The following KIF1A variants were observed in gnomAD, a reference collection of about 807,000 sequenced individuals.
The protein encoded by KIF1A is kinesin family member 1A, also known as kinesin-like protein KIF1A.
Under a neutral mutation model 227.3 loss-of-function variants are expected in KIF1A, and 46 were observed. The observed-to-expected ratio is 0.20, with a 90% CI of 0.16 to 0.26. The LOEUF (loss-of-function observed/expected upper bound fraction) is 0.26, where lower values mean the gene tolerates loss of function less well. KIF1A is among the 10% of genes least tolerant of loss of function. KIF1A has a pLI of 1.00. For missense variants in KIF1A, 1,683 were observed against 2,485.9 expected, an observed-to-expected ratio of 0.68 and a Z score of 6.87; for synonymous variants, 1,022 against 1,012.8, an observed-to-expected ratio of 1.01 and a Z score of -0.17.
chr2:240,722,534 G>A lies in KIF1A; in HGVS notation c.4587C>T (p.Ala1529=). The change falls in exon 43 of 49, where the codon GCC becomes GCT. Residue 1529 remains alanine (A), a synonymous_variant. Coordinates refer to ENST00000498729, the MANE Select transcript of KIF1A (RefSeq NM_001244008.2). ...GGCCCTCAGCCGAGAGCGGGGAGGA[G>A]GCGCTGGAGGAGCCATGGGACTCAG... ...EDSESHGSSS[A]SSPLSAEGRP... 6.5e-7 allele frequency: 1 copy of A among 1,549,106 alleles called. No individual in the cohort carries two copies. The highest frequency in any genetic ancestry group is 1.4e-5 in the African/African-American group (1 of 73,178).
At chr2:240,742,740 T>C (rs981729577) in intron 34 of KIF1A, among the ~76,000 whole-genome samples, 189 bp downstream of exon 34, 9 of 152,160 alleles carry the variant, frequency 5.9e-5, no homozygotes, top group Admixed American at 5.9e-4. Context: ...GGCTACTCTC[T>C]GGGCACAGGG....
chr2:240,810,011 G>A (rs566024713), intron 1 of KIF1A, among the ~76,000 whole-genome samples: 3 of 151,120 alleles, frequency 2.0e-5, no homozygotes, highest in Non-Finnish European at 4.4e-5. Flanking sequence ...ATAGGGTTTC[G>A]CCACATTGGC....
At chr2:240,741,404 T>G in intron 34 of KIF1A, 27 bp from the exon 35 acceptor site, 1 of 1,487,666 alleles carries the variant, frequency 6.7e-7, no homozygotes, top group African/African-American at 1.4e-5. Flanking sequence ...GAGGCATGCA[T>G]GGATGGGAGA....
intron 37 of KIF1A, among the ~76,000 whole-genome samples, chr2:240,738,660 C>T (rs2047623662): frequency 6.6e-6 from 1 of 152,238 alleles, no homozygotes; most frequent in South Asian, 2.1e-4. Flanking sequence ...CATACCATAT[C>T]TCCCCAGATC....
chr2:240,799,410 C>G (rs1468196878), intron 1 of KIF1A, among the ~76,000 whole-genome samples: 1 of 152,160 alleles, frequency 6.6e-6, no homozygotes, highest in Non-Finnish European at 1.5e-5. Flanking sequence ...CCAGAGGCTA[C>G]AGGGGAGGGG....
chr2:240,804,274 A>G (rs1051286534), intron 1 of KIF1A, among the ~76,000 whole-genome samples: 9 of 152,232 alleles, frequency 5.9e-5, no homozygotes, highest in East Asian at 1.9e-4. Flanking sequence ...TCAAAAAAGT[A>G]ATAATAATAA....
intron 42 of KIF1A, 40 bp from the exon 43 acceptor site, chr2:240,722,696 G>A: frequency 6.9e-7 from 1 of 1,445,362 alleles, no homozygotes; most frequent in Non-Finnish European, 9.2e-7. Flanking sequence ...TGCACCTCAG[G>A]GGTGACCTCC....
chr2:240,788,031 G>T lies in KIF1A; in HGVS notation c.363+20C>A. The stretch of plus-strand genomic sequence containing the variant: ...CGCCCCATCTGCCAGGGCTGCCCCC[G>T]CCCGCCCCCCGCTTCGTGCCTGTGG... On this transcript the variant is annotated intron_variant, in intron 4 of 48. Coordinates refer to ENST00000498729, the MANE Select transcript of KIF1A (RefSeq NM_001244008.2). This position sits in a 1 kb window ranked among gnomAD's most constrained non-coding sequence, Gnocchi z 6.6. 4 of 664,394 alleles carry T rather than the reference G, an allele frequency of 6.0e-6. No homozygotes were observed. The highest frequency in any genetic ancestry group is 8.8e-6 in the Non-Finnish European group (4 of 452,924). The allele number at this position is 664,394 out of a possible 1,614,324, so 41.2% of individuals were successfully genotyped here.
At chr2:240,727,011 A>G in intron 38 of KIF1A, 71 bp from the exon 39 acceptor site, 1 of 877,436 alleles carries the variant, frequency 1.1e-6, no homozygotes, top group Non-Finnish European at 1.8e-6. Context: ...GGGGACATGC[A>G]GACAGACAGA....
chr2:240,734,240 C>A (rs1240137793), intron 38 of KIF1A, among the ~76,000 whole-genome samples: 4 of 152,246 alleles, frequency 2.6e-5, no homozygotes, highest in Non-Finnish European at 5.9e-5. Context: ...CCTTCCCCAA[C>A]CCCTGTGCTC....
chr2:240,786,078 G>A (rs956614451), intron 6 of KIF1A, among the ~76,000 whole-genome samples: 4 of 152,130 alleles, frequency 2.6e-5, no homozygotes, highest in Non-Finnish European at 4.4e-5. Context: ...AGCACCCCCC[G>A]GGCACCTCAG....
upstream of KIF1A, among the ~76,000 whole-genome samples, chr2:240,820,464 G>A (rs1274799481): frequency 6.7e-6 from 1 of 150,190 alleles, no homozygotes; most frequent in Non-Finnish European, 1.5e-5. The surrounding 1 kb of genome is among the most constrained non-coding windows in gnomAD (Gnocchi z 6.2). Flanking sequence ...ACCGACACCC[G>A]GCTCGGACGC....
intron 27 of KIF1A, among the ~76,000 whole-genome samples, chr2:240,754,660 G>A (rs1361990312): frequency 6.6e-6 from 1 of 152,214 alleles, no homozygotes; most frequent in Non-Finnish European, 1.5e-5. Flanking sequence ...GCCCCCACCT[G>A]CCCTCTAGGT....
chr2:240,807,078 ATGTGTGTG>A (rs67918205), intron 1 of KIF1A, among the ~76,000 whole-genome samples: 1,337 of 95,064 alleles, frequency 0.014, 14 homozygotes, highest in African/African-American at 0.019. Flanking sequence ...CCTCATATAT[ATGTGTGTG>A]TGTGTGTGTG....
Position 240,743,845 on chromosome 2 carries a change from G to A in KIF1A, c.3584+97C>T, listed in dbSNP as rs972014864. 1.5e-5 allele frequency: 12 copies of A among 818,968 alleles called. No individual in the cohort carries two copies. The Admixed American group carries it at 1.6e-4, about 11-fold the overall frequency. 50.7% of individuals were successfully genotyped at this position (818,968 alleles called of 1,614,324 possible). A position where few individuals can be genotyped will look rare whatever the true frequency, so the allele number is the denominator to read the frequency against. The stretch of plus-strand genomic sequence containing the variant: ...GGGCAGGGGAGGTGGGTTTCAGGGG[G>A]TGCATAGGCTCTGCAGCCTCAAGAC... On this transcript the variant is annotated intron_variant, in intron 33 of 48. Coordinates refer to ENST00000498729, the MANE Select transcript of KIF1A (RefSeq NM_001244008.2).
rs2058242932 is a variant in KIF1A, at chr2:240,815,356, A to C, written c.-61+4766T>G. Among the ~76,000 whole-genome samples the C allele has an allele frequency of 2.6e-5, 4 of 152,088 alleles. No homozygotes were observed. The South Asian group carries it at 8.3e-4, about 32-fold the overall frequency. ...CTGAGGTGGGGGCAGGAACCCCTTG[A>C]GGGCATTCCTGGCACTACCAGCCTC... On this transcript the variant is annotated intron_variant, in intron 1 of 48. Coordinates refer to ENST00000498729, the MANE Select transcript of KIF1A (RefSeq NM_001244008.2).
At position 240,782,200 on chromosome 2, in the gene KIF1A, A is replaced by G. The variant is rs1002863088; in HGVS notation, c.882+390T>C. On this transcript the variant is annotated intron_variant, in intron 10 of 48. Transcript: ENST00000498729. ...CTCCCCCTGTGGCCCCGTCACGCCTACGGCTGCTCAGAGTCCAGCACGCCT... is the reference window on the plus strand; with the variant it reads ...CTCCCCCTGTGGCCCCGTCACGCCTGCGGCTGCTCAGAGTCCAGCACGCCT... 1.0e-5 allele frequency: 10 copies of G among 985,014 alleles called. No homozygotes were observed. In the African/African-American group the frequency reaches 1.4e-4, roughly 14 times the overall value. 61.0% of individuals were successfully genotyped at this position (985,014 alleles called of 1,614,324 possible). A position where few individuals can be genotyped will look rare whatever the true frequency, so the allele number is the denominator to read the frequency against.
At chr2:240,745,386 C>T (rs367809261) in intron 32 of KIF1A, 41 bp downstream of exon 32, 1 of 1,443,512 alleles carries the variant, frequency 6.9e-7, no homozygotes, top group African/African-American at 1.4e-5. Flanking sequence ...CTGGGAGGGT[C>T]AGTCAGTGGC....
intron 47 of KIF1A, 67 bp from the exon 48 acceptor site, chr2:240,718,235 C>T (rs2044796546): frequency 9.1e-7 from 1 of 1,100,978 alleles, no homozygotes; most frequent in Non-Finnish European, 1.4e-6. Context: ...CTCCTGCTCC[C>T]CAGGGCCCAG....
Sources: allele counts gnomAD v4.1 joint callset (sites outside exome capture counted in the v4.1 genomes callset), GRCh38; gene constraint gnomAD v4.1.1; non-coding constraint Gnocchi (gnomAD v3.1); transcripts MANE v1.5; gene names NCBI Gene and HGNC (gene_info 2026-07-23, HGNC 2026-07-21).